HS6ST3: variants seen among roughly 807,000 people sequenced by gnomAD.
HS6ST3 encodes heparan sulfate 6-O-sulfotransferase 3, also known as heparan-sulfate 6-O-sulfotransferase 3.
A neutral mutation model predicts 36.7 loss-of-function variants in HS6ST3; 12 were observed. That is an observed-to-expected ratio of 0.33 (90% CI 0.21 to 0.53). HS6ST3 has a LOEUF of 0.53. HS6ST3 is among the 20% of genes least tolerant of loss of function. HS6ST3 has a pLI of 0.95. For missense variants in HS6ST3, 584 were observed against 640.9 expected (o/e 0.91, Z 0.96); for synonymous variants, 240 against 257.5 (o/e 0.93, Z 0.65).
At chr13:96,701,187 C>G (rs911033389) in intron 1 of HS6ST3, among the ~76,000 whole-genome samples, 1 of 152,182 alleles carries the variant, frequency 6.6e-6, no homozygotes, top group African/African-American at 2.4e-5. Flanking sequence ...ACTATACTTA[C>G]CAAAGTCACA....
chr13:96,803,100 C>T (rs1006013592), intron 1 of HS6ST3, among the ~76,000 whole-genome samples: 1 of 152,130 alleles, frequency 6.6e-6, no homozygotes, highest in Non-Finnish European at 1.5e-5. Context: ...TTCCCAACTG[C>T]TCTGGTTGTC....
At chr13:96,265,794 A>G (rs888857020) in intron 1 of HS6ST3, among the ~76,000 whole-genome samples, 2 of 152,178 alleles carry the variant, frequency 1.3e-5, no homozygotes, top group Non-Finnish European at 2.9e-5. Context: ...GATAAAATAG[A>G]TGGTCACCCT....
At chr13:96,135,644 A>G (rs1594689596) in intron 1 of HS6ST3, among the ~76,000 whole-genome samples, 1 of 152,128 alleles carries the variant, frequency 6.6e-6, no homozygotes, top group Non-Finnish European at 1.5e-5. Flanking sequence ...AAACTGTTAA[A>G]CCACACGGCA....
At chr13:96,824,744 G>T (rs1024543036) in intron 1 of HS6ST3, among the ~76,000 whole-genome samples, 1 of 152,226 alleles carries the variant, frequency 6.6e-6, no homozygotes, top group African/African-American at 2.4e-5. Flanking sequence ...TTATGTTTAA[G>T]ATGTGGTGGT....
intron 1 of HS6ST3, among the ~76,000 whole-genome samples, chr13:96,628,921 T>C (rs537541303): frequency 2.0e-4 from 30 of 152,074 alleles, no homozygotes; most frequent in African/African-American, 6.8e-4. Flanking sequence ...TGTGTGTATG[T>C]GTCTACTCTA....
chr13:96,306,695 C>T (rs1238910427), intron 1 of HS6ST3, among the ~76,000 whole-genome samples: 1 of 152,106 alleles, frequency 6.6e-6, no homozygotes, highest in African/African-American at 2.4e-5. Flanking sequence ...GTCCTGTGTG[C>T]ACGGCCTGTG....
chr13:96,145,050 T>G (rs375989420), intron 1 of HS6ST3, among the ~76,000 whole-genome samples: 2 of 146,420 alleles, frequency 1.4e-5, no homozygotes, highest in African/African-American at 5.1e-5. Flanking sequence ...TCTATCATTG[T>G]TGGACATTTG....
chr13:96,201,488 T>A (rs1405701483), intron 1 of HS6ST3, among the ~76,000 whole-genome samples: 1 of 152,240 alleles, frequency 6.6e-6, no homozygotes, highest in Non-Finnish European at 1.5e-5. Context: ...AGAGTTATGT[T>A]TTCTGCCATT....
At chr13:96,156,930 C>T (rs1007974983) in intron 1 of HS6ST3, among the ~76,000 whole-genome samples, 2 of 152,094 alleles carry the variant, frequency 1.3e-5, no homozygotes, top group East Asian at 3.9e-4. Context: ...TGTCAGTGAG[C>T]CAAGGGAGCA....
intron 1 of HS6ST3, among the ~76,000 whole-genome samples, chr13:96,595,768 T>G (rs1179831513): frequency 6.6e-6 from 1 of 152,110 alleles, no homozygotes; most frequent in Non-Finnish European, 1.5e-5. Flanking sequence ...ATAACCTGTA[T>G]TCAAGTACAC....
chr13:96,387,591 G>A (rs1226250704), intron 1 of HS6ST3, among the ~76,000 whole-genome samples: 2 of 152,148 alleles, frequency 1.3e-5, no homozygotes, highest in Non-Finnish European at 2.9e-5. Flanking sequence ...ATCCAGTGGA[G>A]AGGCTGGTGT....
At chr13:96,398,046 C>A (rs1381990883) in intron 1 of HS6ST3, among the ~76,000 whole-genome samples, 2 of 152,102 alleles carry the variant, frequency 1.3e-5, no homozygotes, top group Non-Finnish European at 2.9e-5. Flanking sequence ...TGGCCTTGTG[C>A]AAGCCACTTA....
chr13:96,553,989 C>T (rs533309403), intron 1 of HS6ST3, among the ~76,000 whole-genome samples: 124 of 152,166 alleles, frequency 8.1e-4, no homozygotes, highest in African/African-American at 2.9e-3. Flanking sequence ...TGCGTGCGTG[C>T]GTGCATGTGT....
chr13:96,525,705 A>T (rs1270343164), intron 1 of HS6ST3, among the ~76,000 whole-genome samples: 2 of 152,256 alleles, frequency 1.3e-5, no homozygotes, highest in Non-Finnish European at 2.9e-5. Context: ...TGGTCTCATT[A>T]TCAAGTTTCT....
chr13:96,614,241 T>A (rs1032096854), intron 1 of HS6ST3, among the ~76,000 whole-genome samples: 4 of 127,938 alleles, frequency 3.1e-5, no homozygotes, highest in African/African-American at 1.2e-4. Flanking sequence ...GAGCTTGCAG[T>A]GAGCTGAGAT....
At chr13:96,511,988 T>C (rs2056051691) in intron 1 of HS6ST3, among the ~76,000 whole-genome samples, 2 of 152,214 alleles carry the variant, frequency 1.3e-5, no homozygotes, top group Non-Finnish European at 2.9e-5. Context: ...TGGTTTAAGG[T>C]ACCAACTTTA....
chr13:96,173,825 TTGTGTG>T (rs67524085), intron 1 of HS6ST3, among the ~76,000 whole-genome samples: 4 of 150,858 alleles, frequency 2.7e-5, no homozygotes, highest in Admixed American at 6.6e-5. Flanking sequence ...TAATTTCTCT[TTGTGTG>T]TGTGTGTGTG....
intron 1 of HS6ST3, among the ~76,000 whole-genome samples, chr13:96,831,954 C>CAAGAAAAAAAA (rs1878795514): frequency 4.6e-5 from 1 of 21,858 alleles, no homozygotes; most frequent in African/African-American, 1.8e-4. Flanking sequence ...GACTCCCTCT[C>CAAGAAAAAAAA]AAAAAAAAAA....
intron 1 of HS6ST3, among the ~76,000 whole-genome samples, chr13:96,509,535 A>G (rs993088895): frequency 2.0e-5 from 3 of 152,178 alleles, no homozygotes; most frequent in African/African-American, 7.2e-5. Flanking sequence ...GGTGAAAGAT[A>G]GGGATCCAGT....
Sources: allele counts gnomAD v4.1 joint callset (sites outside exome capture counted in the v4.1 genomes callset), GRCh38; gene constraint gnomAD v4.1.1; transcripts MANE v1.5; gene names NCBI Gene and HGNC (gene_info 2026-07-23, HGNC 2026-07-21).